Variants in SGSM1 observed in about 807,000 individuals in gnomAD.
SGSM1 encodes small G protein signaling modulator 1.
A neutral mutation model predicts 133.8 loss-of-function variants in SGSM1; 73 were observed. That is an observed-to-expected ratio of 0.55 (90% CI 0.45 to 0.66). The LOEUF (loss-of-function observed/expected upper bound fraction) is 0.66, where lower values mean the gene tolerates loss of function less well. Ranked by LOEUF, SGSM1 falls within the 30% of genes least tolerant of loss-of-function variation. The probability of loss-of-function intolerance (pLI) is 0.00; values close to 1 mark genes in which losing one functional copy is unlikely to be tolerated. For synonymous variants in SGSM1, 563 were observed against 573.0 expected (o/e 0.98, Z 0.25); for missense variants, 1,213 against 1,448.1 (o/e 0.84, Z 2.64).
intron 16 of SGSM1, 132 bp downstream of exon 16, chr22:24,886,860 C>G: frequency 2.5e-6 from 3 of 1,198,674 alleles, no homozygotes; most frequent in Non-Finnish European, 3.4e-6. Flanking sequence ...AACCTGAAGG[C>G]GGCGCTGTCC....
chr22:24,909,099 C>T (rs1380329795), intron 21 of SGSM1, among the ~76,000 whole-genome samples: 1 of 152,096 alleles, frequency 6.6e-6, no homozygotes, highest in Non-Finnish European at 1.5e-5. Context: ...GTGAATTGTG[C>T]ATGTGAGGGG....
rs1379836866 is a variant in SGSM1 at position 24,855,389 on chromosome 22, C to A, written c.628C>A (p.His210Asn). 2 of 1,613,604 alleles carry A rather than the reference C, an allele frequency of 1.2e-6. No homozygotes were observed. Among genetic ancestry groups the A allele is most frequent in the Non-Finnish European group, 1.7e-6 (2 of 1,179,820 alleles). ...LVQRHRIHSS[H>N]VRQDSPTKRP... ...CCAGAGGCACCGCATCCACAGCTCCCACGTGCGGCAGGACTCGCCCACCAA... is the reference window on the plus strand; with the variant it reads ...CCAGAGGCACCGCATCCACAGCTCCAACGTGCGGCAGGACTCGCCCACCAA... Residue 210 changes from histidine to asparagine, a missense_variant, in exon 7 of 25, where the codon CAC becomes AAC. Coordinates refer to ENST00000400358, the MANE Select transcript of SGSM1 (RefSeq NM_001098497.3).
chr22:24,865,728 G>A (rs1001455146), intron 9 of SGSM1, among the ~76,000 whole-genome samples: 4 of 152,170 alleles, frequency 2.6e-5, no homozygotes, highest in Admixed American at 2.6e-4. Context: ...GGAGGGGCAG[G>A]AGCAGACAGG....
In SGSM1 at chr22:24,833,387, C is replaced by T. The variant is rs945321766; in HGVS notation, c.64-11510C>T. Among the ~76,000 whole-genome samples, 42 of 151,932 alleles carry T rather than the reference C, an allele frequency of 2.8e-4. 1 individual carries two copies. The highest frequency in any genetic ancestry group is 1.3e-3 in the South Asian group (6 of 4,766). On this transcript the variant is annotated intron_variant, in intron 2 of 24. Coordinates refer to ENST00000400358, the MANE Select transcript of SGSM1 (RefSeq NM_001098497.3). Reference sequence around the variant, plus strand: ...AAGATTTCCACATGTGGGCCAGGCGCGGTGGCTCACACCTGTAATCCCAGC... The same window carrying T: ...AAGATTTCCACATGTGGGCCAGGCGTGGTGGCTCACACCTGTAATCCCAGC...
intron 23 of SGSM1, among the ~76,000 whole-genome samples, chr22:24,919,454 G>T (rs1285345287): frequency 6.6e-6 from 1 of 152,164 alleles, no homozygotes; most frequent in Admixed American, 6.5e-5. Flanking sequence ...GGCTCTATGG[G>T]TGCTAATGGA....
chr22:24,847,027 A>G (rs1390392175), intron 3 of SGSM1, among the ~76,000 whole-genome samples: 2 of 151,974 alleles, frequency 1.3e-5, no homozygotes, highest in African/African-American at 4.8e-5. Flanking sequence ...TTTTTAGTAG[A>G]GGCGGGGTTT....
intron 16 of SGSM1, among the ~76,000 whole-genome samples, chr22:24,889,258 C>T (rs117313112): frequency 0.023 from 3,427 of 152,084 alleles, 96 homozygotes; most frequent in East Asian, 0.085. Flanking sequence ...CCGTGCCCGG[C>T]CCTCATAGTC....
At chr22:24,850,514 G>T in intron 5 of SGSM1, 82 bp downstream of exon 5, 1 of 1,544,594 alleles carries the variant, frequency 6.5e-7, no homozygotes, top group South Asian at 1.2e-5. Flanking sequence ...CTGGCACAAA[G>T]CTGCTTTCTT....
chr22:24,817,848 G>A (rs912367721), intron 2 of SGSM1, among the ~76,000 whole-genome samples: 1 of 152,218 alleles, frequency 6.6e-6, no homozygotes, highest in African/African-American at 2.4e-5. Flanking sequence ...TCTGGTGAGG[G>A]CCTTCTTCCT....
chr22:24,857,371 G>A (rs1216571192), intron 8 of SGSM1, among the ~76,000 whole-genome samples: 1 of 138,936 alleles, frequency 7.2e-6, no homozygotes, highest in Non-Finnish European at 1.5e-5. Context: ...TCGCACCACT[G>A]CACTCCAGCC....
chr22:24,892,668 T>C (rs1454703779), intron 16 of SGSM1, among the ~76,000 whole-genome samples: 1 of 151,786 alleles, frequency 6.6e-6, no homozygotes, highest in African/African-American at 2.4e-5. Context: ...TGGTATGTAA[T>C]AGGTACTTAT....
At chr22:24,880,649 CCA>C (rs1364618655) in intron 14 of SGSM1, among the ~76,000 whole-genome samples, 2 of 152,200 alleles carry the variant, frequency 1.3e-5, no homozygotes, top group East Asian at 3.9e-4. Flanking sequence ...TGCCACCCAT[CCA>C]CAGTGCCTAA....
intron 2 of SGSM1, among the ~76,000 whole-genome samples, chr22:24,822,464 A>G (rs1928541089): frequency 6.6e-6 from 1 of 152,112 alleles, no homozygotes; most frequent in South Asian, 2.1e-4. Context: ...CCTCTTCCAG[A>G]ATGTCATATT....
At chr22:24,825,520 C>T (rs2147801357) in intron 2 of SGSM1, among the ~76,000 whole-genome samples, 1 of 152,308 alleles carries the variant, frequency 6.6e-6, no homozygotes, top group East Asian at 1.9e-4. Context: ...ACCCCTGCCT[C>T]CTGGGTTCAC....
At chr22:24,806,570 C>T (rs969875888) in intron 2 of SGSM1, 86 bp downstream of exon 2, 7 of 1,434,544 alleles carry the variant, frequency 4.9e-6, no homozygotes, top group Non-Finnish European at 6.4e-6. Context: ...AGGGTGGCCT[C>T]TGGCGGCGGG....
rs536702343 is a variant in SGSM1 at position 24,829,845 on chromosome 22, A to G, written c.64-15052A>G. Among the ~76,000 whole-genome samples, 8 of 152,294 alleles carry G rather than the reference A, an allele frequency of 5.3e-5. 1 individual carries two copies. In the South Asian group the frequency reaches 1.5e-3, roughly 28 times the overall value. ...CTTCACCACCATAAAGTTCCTACAC[A>G]CAGGCCACAGTGATCCCAGACCACC... On this transcript the variant is annotated intron_variant, in intron 2 of 24. Transcript: ENST00000400358.
At chr22:24,859,373 A>G (rs1469804874) in intron 8 of SGSM1, among the ~76,000 whole-genome samples, 4 of 152,076 alleles carry the variant, frequency 2.6e-5, no homozygotes, top group African/African-American at 9.7e-5. Flanking sequence ...TTCTGTTTTG[A>G]AAAGCGTGAT....
At chr22:24,901,780 T>G in intron 19 of SGSM1, 53 bp from the exon 20 acceptor site, 1 of 1,592,688 alleles carries the variant, frequency 6.3e-7, no homozygotes, top group Non-Finnish European at 8.6e-7. Flanking sequence ...CAGTGGGGAC[T>G]TAGATGTGAT....
At chr22:24,891,195 A>G (rs1932808766) in intron 16 of SGSM1, among the ~76,000 whole-genome samples, 1 of 152,162 alleles carries the variant, frequency 6.6e-6, no homozygotes, top group South Asian at 2.1e-4. Context: ...CCCCATCTCT[A>G]CAAAAAATTT....
Sources: gnomAD v4.1 joint callset for allele counts (sites outside exome capture counted in the v4.1 genomes callset) on GRCh38, gnomAD v4.1.1 for gene constraint, MANE v1.5 for transcripts, NCBI Gene and HGNC (gene_info 2026-07-23, HGNC 2026-07-21) for gene names.